Variants in SELENOI observed in about 807,000 individuals in gnomAD.
SELENOI encodes ethanolaminephosphotransferase 1.
SELENOI carries 24 observed loss-of-function variants against 50.7 expected under a neutral mutation model. The ratio of observed to expected loss-of-function variants is 0.47; its 90% CI spans 0.34 to 0.67. SELENOI has a LOEUF of 0.67. Among genes scored for constraint, SELENOI ranks in the 30% least tolerant of loss-of-function variants. SELENOI has a pLI of 0.01. For synonymous variants in SELENOI, 155 were observed against 170.2 expected, an observed-to-expected ratio of 0.91 and a Z score of 0.70; for missense variants, 352 against 461.4, an observed-to-expected ratio of 0.76 and a Z score of 2.17.
At chr2:26,354,345 A>G (rs947593229) in intron 1 of SELENOI, among the ~76,000 whole-genome samples, 1 of 152,162 alleles carries the variant, frequency 6.6e-6, no homozygotes, top group Non-Finnish European at 1.5e-5. Context: ...AGAGTGAAAT[A>G]TAAACTCTGC....
Position 26,393,425 on chromosome 2 carries a change from T to C in SELENOI, c.*4322T>C, listed in dbSNP as rs1430922360. ...GATCTGCTCCCTATCTAGACAGATC[T>C]TTTAATGCATTAATATTTAGAGTAG... On this transcript the variant is annotated 3_prime_UTR_variant, in exon 10 of 10. Transcript: ENST00000260585. The C allele has an allele frequency of 6.5e-6, 1 of 152,692 alleles. No homozygotes were observed. Among genetic ancestry groups the C allele is most frequent in the East Asian group, 1.9e-4 (1 of 5,204 alleles). 9.5% of individuals were successfully genotyped at this position (152,692 alleles called of 1,614,324 possible).
At position 26,381,198 on chromosome 2, in the gene SELENOI, C is replaced by CTTT. The variant is rs57102834; in HGVS notation, c.683-2072_683-2070dup. ...TGGATTGTATCTCCTTCAGTTTGGT[C>CTTT]TTTTTTTTTTTTTTTTTTTTTTTTT... is the stretch of plus-strand genomic sequence containing the variant. On this transcript the variant is annotated intron_variant, in intron 6 of 9. Transcript: ENST00000260585. 5.3e-3 allele frequency among the ~76,000 whole-genome samples: 160 copies of CTTT among 30,198 alleles called. 19 individuals are homozygous for CTTT. Among genetic ancestry groups the CTTT allele is most frequent in the African/African-American group, 0.024 (130 of 5,530 alleles). 19.8% of individuals were successfully genotyped at this position (30,198 alleles called of 152,430 possible).
intron 1 of SELENOI, among the ~76,000 whole-genome samples, chr2:26,361,363 A>T (rs1359935802): frequency 6.6e-6 from 1 of 152,252 alleles, no homozygotes; most frequent in East Asian, 1.9e-4. Flanking sequence ...ATACATACAC[A>T]CCTGTGATAA....
intron 1 of SELENOI, among the ~76,000 whole-genome samples, chr2:26,349,932 CAAAAAA>C (rs70950184): frequency 5.4e-5 from 3 of 55,286 alleles, no homozygotes; most frequent in African/African-American, 8.3e-5. Context: ...CTCATCTCCA[CAAAAAA>C]AAAAAAAAAA....
intron 8 of SELENOI, among the ~76,000 whole-genome samples, chr2:26,385,688 G>A (rs1677823894): frequency 1.3e-5 from 2 of 152,202 alleles, no homozygotes; most frequent in Non-Finnish European, 2.9e-5. Context: ...TGATAGTCCT[G>A]AAAGCCAGAA....
intron 6 of SELENOI, among the ~76,000 whole-genome samples, chr2:26,379,494 G>A (rs55866113): frequency 0.11 from 16,169 of 151,902 alleles, 2,209 homozygotes; most frequent in African/African-American, 0.32. Flanking sequence ...TTTGGGGGTT[G>A]GGGGGCATGC....
At chr2:26,371,830 C>G (rs752629291) in intron 4 of SELENOI, among the ~76,000 whole-genome samples, 8 of 152,108 alleles carry the variant, frequency 5.3e-5, no homozygotes, top group South Asian at 2.1e-4. Context: ...AGCTTCGGCT[C>G]GGCATGAGAG....
chr2:26,361,510 C>A (rs1677178380), intron 1 of SELENOI, among the ~76,000 whole-genome samples: 3 of 152,188 alleles, frequency 2.0e-5, no homozygotes, highest in Admixed American at 2.0e-4. Context: ...TATTTTCCGA[C>A]CCTGGTTGGC....
Position 26,346,146 on chromosome 2 carries a change from AT to A in SELENOI, c.-86del. The A allele has an allele frequency of 6.2e-7, 1 of 1,604,842 alleles. No homozygotes were observed. The highest frequency in any genetic ancestry group is 8.5e-7 in the Non-Finnish European group (1 of 1,176,190). The stretch of plus-strand genomic sequence containing the variant: ...CTTCTCGGGCAGCCCAGTCTTTGCC[AT>A]CCTTGCCCAGCCGGTGTGGTGCTTG... On this transcript the variant is annotated 5_prime_UTR_variant, in exon 1 of 10. Coordinates refer to ENST00000260585, the MANE Select transcript of SELENOI (RefSeq NM_033505.4).
intron 5 of SELENOI, among the ~76,000 whole-genome samples, chr2:26,374,657 C>T (rs560599040): frequency 1.3e-5 from 2 of 149,442 alleles, no homozygotes; most frequent in South Asian, 4.3e-4. Flanking sequence ...CAACCTCTGC[C>T]TCCTGGGTTC....
At chr2:26,361,192 A>G (rs1217420489) in intron 1 of SELENOI, among the ~76,000 whole-genome samples, 2 of 152,138 alleles carry the variant, frequency 1.3e-5, no homozygotes, top group Non-Finnish European at 2.9e-5. Flanking sequence ...CCAGCCTGGG[A>G]GACAGAGTGA....
At chr2:26,361,462 C>T (rs13018684) in intron 1 of SELENOI, among the ~76,000 whole-genome samples, 60,068 of 151,984 alleles carry the variant, frequency 0.4, 13,343 homozygotes, top group Non-Finnish European at 0.51. Flanking sequence ...TGAATTTGGT[C>T]TCTCTCTCTC....
intron 1 of SELENOI, among the ~76,000 whole-genome samples, chr2:26,351,054 TG>T (rs1350758227): frequency 0.012 from 1,615 of 132,606 alleles, 15 homozygotes; most frequent in South Asian, 0.017. Flanking sequence ...ACTGTTTGTT[TG>T]TTTTTTTTTT....
At chr2:26,384,686 T>C (rs1410060209) in intron 7 of SELENOI, among the ~76,000 whole-genome samples, 1 of 152,212 alleles carries the variant, frequency 6.6e-6, no homozygotes, top group African/African-American at 2.4e-5. Context: ...GTTGATAGTT[T>C]GGTTTAAAGA....
chr2:26,375,701 G>A (rs904830976), intron 6 of SELENOI, among the ~76,000 whole-genome samples: 8 of 152,154 alleles, frequency 5.3e-5, no homozygotes, highest in Non-Finnish European at 8.8e-5. Context: ...GGTATGGAAC[G>A]AGTGTAAAGA....
chr2:26,367,138 CT>C lies in SELENOI; in HGVS notation c.236-4del. On this transcript the variant is annotated splice_region_variant and splice_polypyrimidine_tract_variant and intron_variant, in intron 3 of 9. Coordinates refer to ENST00000260585, the MANE Select transcript of SELENOI (RefSeq NM_033505.4). ...CTGTATTAAAATCTTAGTTGCTTTC[CT>C]TTTCAGCACCAGGTCACAAGCACGT... The C allele has an allele frequency of 6.2e-7, 1 of 1,604,822 alleles. No homozygotes were observed.
chr2:26,363,678 C>T (rs1298250443), intron 1 of SELENOI, among the ~76,000 whole-genome samples: 4 of 152,152 alleles, frequency 2.6e-5, no homozygotes, highest in Admixed American at 2.6e-4. Flanking sequence ...GCTTGATAGT[C>T]TTTGCCTCAT....
At chr2:26,382,439 G>A (rs1277109881) in intron 6 of SELENOI, among the ~76,000 whole-genome samples, 2 of 152,170 alleles carry the variant, frequency 1.3e-5, no homozygotes, top group African/African-American at 2.4e-5. Context: ...ATGAAAAAAC[G>A]ATACTGAATT....
At chr2:26,386,308 G>T (rs1232563375) in intron 8 of SELENOI, 46 bp from the exon 9 acceptor site, 1 of 1,570,422 alleles carries the variant, frequency 6.4e-7, no homozygotes, top group Non-Finnish European at 8.6e-7. Flanking sequence ...CTTTGCTAAT[G>T]AAATTTTTCT....
Sources: gnomAD v4.1 joint callset for allele counts (sites outside exome capture counted in the v4.1 genomes callset) on GRCh38, gnomAD v4.1.1 for gene constraint, MANE v1.5 for transcripts, NCBI Gene and HGNC (gene_info 2026-07-23, HGNC 2026-07-21) for gene names.